The following NCAM1 variants were observed in gnomAD, a reference collection of about 807,000 sequenced individuals.
NCAM1 encodes neural cell adhesion molecule 1.
Under a neutral mutation model 109.8 loss-of-function variants are expected in NCAM1, and 14 were observed. The observed-to-expected ratio is 0.13, with a 90% CI of 0.08 to 0.20. NCAM1 has a LOEUF of 0.20. NCAM1 is among the 10% of genes least tolerant of loss of function. The pLI is 1.00. For missense variants in NCAM1, 774 were observed against 1,109.9 expected, an observed-to-expected ratio of 0.70 and a Z score of 4.30; for synonymous variants, 418 against 442.9, an observed-to-expected ratio of 0.94 and a Z score of 0.70.
intron 1 of NCAM1, among the ~76,000 whole-genome samples, chr11:113,069,622 G>A (rs138403080): frequency 1.3e-5 from 2 of 152,302 alleles, no homozygotes; most frequent in African/African-American, 2.4e-5. Flanking sequence ...AGGAAAAAGA[G>A]GCAGGTGCAA....
intron 1 of NCAM1, among the ~76,000 whole-genome samples, chr11:113,095,368 CTAAGA>C (rs1565433041): frequency 1.3e-5 from 2 of 150,726 alleles, no homozygotes; most frequent in Non-Finnish European, 2.9e-5. Flanking sequence ...GACTGAGCAT[CTAAGA>C]TGAGTTTACC....
At chr11:113,275,237 C>G in intron 19 of NCAM1, 30 bp from the exon 20 acceptor site, 1 of 1,612,754 alleles carries the variant, frequency 6.2e-7, no homozygotes, top group Non-Finnish European at 8.5e-7. Flanking sequence ...ACCGTGGTCT[C>G]AGTGGTTCTG....
At position 113,185,079 on chromosome 11, in the gene NCAM1, T is replaced by TATATATATAGAG; in HGVS notation, c.53-17299_53-17298insTATATATAGAGA. On this transcript the variant is annotated intron_variant, in intron 1 of 19. Coordinates refer to ENST00000316851, the MANE Select transcript of NCAM1 (RefSeq NM_181351.5). The stretch of plus-strand genomic sequence containing the variant: ...GTGTGCATTTATATTTATATATATA[T>TATATATATAGAG]AGAGAGAGAGAGAGAGAGAGAGAGA... Among the ~76,000 whole-genome samples, 11 of 125,738 alleles carry TATATATATAGAG rather than the reference T, an allele frequency of 8.7e-5. No individual in the cohort carries two copies. In the East Asian group the frequency reaches 1.1e-3, roughly 13 times the overall value. The allele number at this position is 125,738 out of a possible 152,430, so 82.5% of individuals were successfully genotyped here.
chr11:113,190,722 T>C (rs1555109706), intron 1 of NCAM1, among the ~76,000 whole-genome samples: 2 of 152,218 alleles, frequency 1.3e-5, no homozygotes, highest in African/African-American at 4.8e-5. Flanking sequence ...TCTTCTGCTC[T>C]ACCTCCTTCA....
intron 1 of NCAM1, among the ~76,000 whole-genome samples, chr11:113,028,507 A>G: frequency 8.5e-6 from 1 of 117,796 alleles, no homozygotes; most frequent in East Asian, 5.6e-4. Context: ...AACCAAATCT[A>G]TGAATTAATG....
intron 1 of NCAM1, among the ~76,000 whole-genome samples, chr11:113,131,288 C>G (rs1176422873): frequency 2.0e-5 from 3 of 152,108 alleles, no homozygotes; most frequent in Non-Finnish European, 4.4e-5. Context: ...CTGTCAGGAG[C>G]CTTTCTCTTG....
intron 1 of NCAM1, among the ~76,000 whole-genome samples, chr11:113,165,296 C>A (rs1449360428): frequency 1.3e-5 from 2 of 152,152 alleles, no homozygotes. Context: ...TTGGAAAAGG[C>A]CAATCGCTTT....
At chr11:113,038,203 A>T (rs1230497635) in intron 1 of NCAM1, among the ~76,000 whole-genome samples, 1 of 152,216 alleles carries the variant, frequency 6.6e-6, no homozygotes, top group Admixed American at 6.5e-5. Context: ...TGTTCGAATT[A>T]TCGCTCACTA....
In NCAM1 at chr11:113,220,920, A is replaced by G. The variant is rs143036582; in HGVS notation, c.1060-376A>G. On this transcript the variant is annotated intron_variant, in intron 8 of 19. Coordinates refer to ENST00000316851, the MANE Select transcript of NCAM1 (RefSeq NM_181351.5). ...AACCGCACCCGGCCAGAGGAGACCT[A>G]CTCTCTTAAGTGTCTCTAGATAATG... Among the ~76,000 whole-genome samples the G allele has an allele frequency of 3.3e-3, 495 of 151,934 alleles. 5 individuals carry two copies. The highest frequency in any genetic ancestry group is 0.022 in the Admixed American group (333 of 15,260).
At chr11:113,134,063 A>T (rs150080979) in intron 1 of NCAM1, 1 of 152,168 alleles carries the variant, frequency 6.6e-6, no homozygotes, top group African/African-American at 2.4e-5. Context: ...GTATTTTAAC[A>T]ATGTTGTGAA....
chr11:113,093,455 T>A (rs1939452565), intron 1 of NCAM1, among the ~76,000 whole-genome samples: 1 of 152,154 alleles, frequency 6.6e-6, no homozygotes, highest in Admixed American at 6.5e-5. Context: ...CAAACGTAGT[T>A]CACATCCTGG....
intron 1 of NCAM1, among the ~76,000 whole-genome samples, chr11:112,980,022 G>A (rs1467403479): frequency 6.6e-6 from 1 of 151,686 alleles, no homozygotes; most frequent in Non-Finnish European, 1.5e-5. Context: ...TCCTTGACCT[G>A]ATAAAGGGCA....
At chr11:113,235,807 G>A (rs181779447) in intron 14 of NCAM1, among the ~76,000 whole-genome samples, 25 of 152,212 alleles carry the variant, frequency 1.6e-4, no homozygotes, top group Admixed American at 1.3e-3. Flanking sequence ...GTTTTCCTCG[G>A]CCATTCCCTC....
chr11:113,160,732 T>G lies in NCAM1; in HGVS notation c.53-41647T>G, dbSNP rs374626169. On this transcript the variant is annotated intron_variant, in intron 1 of 19. Transcript: ENST00000316851. ...GATTGCTTTTGCAGTTGCAGATGGCTGTACCGGTTCCAAACAAAGAGGGTC... is the reference window on the plus strand; with the variant it reads ...GATTGCTTTTGCAGTTGCAGATGGCGGTACCGGTTCCAAACAAAGAGGGTC... Among the ~76,000 whole-genome samples, 17 of 152,290 alleles carry G rather than the reference T, an allele frequency of 1.1e-4. No individual in the cohort carries two copies. The East Asian group carries it at 2.1e-3, about 19-fold the overall frequency.
In NCAM1 at chr11:112,975,810, G is replaced by A. The variant is rs150026780; in HGVS notation, c.52+14146G>A. On this transcript the variant is annotated intron_variant, in intron 1 of 19. Coordinates refer to ENST00000316851, the MANE Select transcript of NCAM1 (RefSeq NM_181351.5). ...AACTGGTCATGAAGGCAGTTCATTC[G>A]CCTGCCTTCCTTCTTATAAAAAGAA... Among the ~76,000 whole-genome samples, 1,146 of 151,934 alleles carry A rather than the reference G, an allele frequency of 7.5e-3. 15 individuals are homozygous for A. The highest frequency in any genetic ancestry group is 0.026 in the African/African-American group (1,061 of 41,478).
intron 1 of NCAM1, among the ~76,000 whole-genome samples, chr11:113,168,279 TTTTG>T (rs1438199348): frequency 9.9e-5 from 15 of 152,272 alleles, no homozygotes; most frequent in Admixed American, 8.5e-4. Context: ...GGTGTCTTGT[TTTTG>T]TTTGTTTGTT....
At chr11:112,993,417 G>A (rs529793526) in intron 1 of NCAM1, among the ~76,000 whole-genome samples, 24 of 152,140 alleles carry the variant, frequency 1.6e-4, no homozygotes, top group South Asian at 4.2e-4. Context: ...CATGATCCAA[G>A]CATCTTCCAC....
chr11:113,268,635 T>A (rs1946193676), intron 17 of NCAM1, among the ~76,000 whole-genome samples: 1 of 151,790 alleles, frequency 6.6e-6, no homozygotes, highest in Non-Finnish European at 1.5e-5. Context: ...AGCACTAGAG[T>A]GCCTGGACAG....
chr11:113,109,906 T>C (rs556956386), intron 1 of NCAM1, among the ~76,000 whole-genome samples: 1 of 152,264 alleles, frequency 6.6e-6, no homozygotes, highest in Non-Finnish European at 1.5e-5. Context: ...CTGAGATTTC[T>C]CAGTAATGTA....
Sources: gnomAD v4.1 joint callset for allele counts (sites outside exome capture counted in the v4.1 genomes callset) on GRCh38, gnomAD v4.1.1 for gene constraint, MANE v1.5 for transcripts, NCBI Gene and HGNC (gene_info 2026-07-23, HGNC 2026-07-21) for gene names.